SLC1A2: variants seen among roughly 807,000 people sequenced by gnomAD.
SLC1A2 encodes solute carrier family 1 member 2.
A neutral mutation model predicts 48.8 loss-of-function variants in SLC1A2; 15 were observed. The ratio of observed to expected loss-of-function variants is 0.31; its 90% CI spans 0.21 to 0.47. The LOEUF is 0.47. SLC1A2 is among the 20% of genes least tolerant of loss of function. The pLI is 0.99. For synonymous variants in SLC1A2, 279 were observed against 272.6 expected (o/e 1.02, Z -0.23); for missense variants, 502 against 730.5 (o/e 0.69, Z 3.61).
intron 9 of SLC1A2, 107 bp from the exon 10 acceptor site, chr11:35,265,865 C>A (rs955173016): frequency 7.5e-6 from 5 of 668,152 alleles, no homozygotes; most frequent in Non-Finnish European, 1.3e-5. Context: ...CTGGCTCTAC[C>A]TTTTCCCTCT....
chr11:35,265,449 T>C, intron 10 of SLC1A2, 78 bp downstream of exon 10: 1 of 757,680 alleles, frequency 1.3e-6, no homozygotes. Context: ...TGCAGGGCTT[T>C]ACGGTTTTTT....
At chr11:35,342,492 T>C (rs546877997) in intron 1 of SLC1A2, among the ~76,000 whole-genome samples, 1 of 151,474 alleles carries the variant, frequency 6.6e-6, no homozygotes, top group African/African-American at 2.4e-5. Flanking sequence ...TTCTCTCAGA[T>C]GTAATGTACC....
intron 1 of SLC1A2, among the ~76,000 whole-genome samples, chr11:35,395,615 A>C (rs1463478815): frequency 6.6e-6 from 1 of 151,958 alleles, no homozygotes; most frequent in Admixed American, 6.5e-5. Flanking sequence ...CCTGAGCCAC[A>C]GTCTTAGACG....
At chr11:35,411,185 C>T (rs148985244) in intron 1 of SLC1A2, among the ~76,000 whole-genome samples, 140 of 152,320 alleles carry the variant, frequency 9.2e-4, no homozygotes, top group African/African-American at 3.1e-3. Context: ...AATTCCATTA[C>T]TCTCTAATCT....
chr11:35,344,785 T>C (rs1048308240), intron 1 of SLC1A2, among the ~76,000 whole-genome samples: 1 of 152,162 alleles, frequency 6.6e-6, no homozygotes, highest in South Asian at 2.1e-4. Flanking sequence ...CTTCAAGGAC[T>C]AGGAAACTAT....
Position 35,286,399 on chromosome 11 carries a change from C to G in SLC1A2, c.1286+358G>C, listed in dbSNP as rs144436301. The G allele has an allele frequency of 4.9e-3, 800 of 162,878 alleles. 9 individuals are homozygous for G. The highest frequency in any genetic ancestry group is 0.036 in the South Asian group (184 of 5,178). 10.1% of individuals were successfully genotyped at this position (162,878 alleles called of 1,614,324 possible). A position where few individuals can be genotyped will look rare whatever the true frequency, so the allele number is the denominator to read the frequency against. ...GCCAAATCATTACTGATGTTGGCCT[C>G]ACTTACAGCCATGCTGTAGCCATGG... On this transcript the variant is annotated intron_variant, in intron 8 of 10. Transcript: ENST00000278379.
chr11:35,354,141 G>T lies in SLC1A2; in HGVS notation c.18-36625C>A, dbSNP rs12416720. ...TCCTATTAGTGGCATACTGGGACAA[G>T]AGGCCTTCTGATATAAAAAGAAAGT... On this transcript the variant is annotated intron_variant, in intron 1 of 10. Transcript: ENST00000278379. Among the ~76,000 whole-genome samples the T allele has an allele frequency of 6.6e-3, 1,003 of 152,214 alleles. 33 individuals carry two copies. Among genetic ancestry groups the T allele is most frequent in the Admixed American group, 0.032 (490 of 15,298 alleles).
At chr11:35,280,160 T>A (rs556500066) in intron 9 of SLC1A2, among the ~76,000 whole-genome samples, 9 of 150,854 alleles carry the variant, frequency 6.0e-5, no homozygotes, top group Non-Finnish European at 1.2e-4. Context: ...CTAATCTCTT[T>A]CTTTTTTCTT....
chr11:35,370,892 A>C (rs905461453), intron 1 of SLC1A2: 2 of 936,882 alleles, frequency 2.1e-6, no homozygotes, highest in Non-Finnish European at 2.5e-6. Flanking sequence ...AGGAAAAGAA[A>C]AGATGGCTAA....
At chr11:35,391,027 A>G (rs766634630) in intron 1 of SLC1A2, 1 of 152,212 alleles carries the variant, frequency 6.6e-6, no homozygotes. Context: ...TGTGGCTACA[A>G]GAAAATCTAG....
rs768033335 is a variant in SLC1A2 at position 35,322,431 on chromosome 11, G to C, written c.18-4915C>G. ...TGCTGCACACTTCAGTGTCACCTTA[G>C]CTGGCACCAAACTCTTTTTTCCACC... On this transcript the variant is annotated intron_variant, in intron 1 of 10. Coordinates refer to ENST00000278379, the MANE Select transcript of SLC1A2 (RefSeq NM_004171.4). The C allele has an allele frequency of 2.7e-5, 17 of 623,254 alleles. No individual in the cohort carries two copies. The African/African-American group carries it at 2.7e-4, about 10-fold the overall frequency. 38.6% of individuals were successfully genotyped at this position (623,254 alleles called of 1,614,324 possible). A position where few individuals can be genotyped will look rare whatever the true frequency, so the allele number is the denominator to read the frequency against.
At chr11:35,363,854 G>C (rs961838622) in intron 1 of SLC1A2, among the ~76,000 whole-genome samples, 1 of 152,102 alleles carries the variant, frequency 6.6e-6, no homozygotes, top group African/African-American at 2.4e-5. Flanking sequence ...TCACTGATTG[G>C]TTCTCATTCA....
chr11:35,399,679 C>G (rs113408306), intron 1 of SLC1A2: 50,141 of 841,332 alleles, frequency 0.06, 1,652 homozygotes, highest in Non-Finnish European at 0.064. Context: ...CAGCTCTTTC[C>G]ATCTGCAGGG....
At chr11:35,273,997 G>T (rs1850365025) in intron 9 of SLC1A2, among the ~76,000 whole-genome samples, 1 of 152,182 alleles carries the variant, frequency 6.6e-6, no homozygotes, top group African/African-American at 2.4e-5. Context: ...CAGAGAGCTG[G>T]GGAAATATTC....
At chr11:35,413,338 G>A (rs974928400) in intron 1 of SLC1A2, among the ~76,000 whole-genome samples, 1 of 152,160 alleles carries the variant, frequency 6.6e-6, no homozygotes, top group South Asian at 2.1e-4. Context: ...GCCACTCACT[G>A]GCTGTAAAAT....
intron 2 of SLC1A2, chr11:35,316,289 A>T (rs1851873094): frequency 6.6e-6 from 1 of 152,258 alleles, no homozygotes; most frequent in Non-Finnish European, 1.5e-5. Context: ...ACCACTGGCC[A>T]TAAGGGAGGG....
chr11:35,291,685 G>A (rs1851013660), intron 7 of SLC1A2: 1 of 153,362 alleles, frequency 6.5e-6, no homozygotes, highest in South Asian at 2.0e-4. Flanking sequence ...GTCCTCTTTG[G>A]CTTTCTAGGT....
chr11:35,252,623 A>G lies in SLC1A2; in HGVS notation c.*8271T>C, dbSNP rs369067581. 2.6e-5 allele frequency: 4 copies of G among 152,210 alleles called. No individual in the cohort carries two copies. The highest frequency in any genetic ancestry group is 4.1e-4 in the South Asian group (2 of 4,830). 9.4% of individuals were successfully genotyped at this position (152,210 alleles called of 1,614,324 possible). ...GGATTCACAGATAAATTCTTCACTCATATATATTCCCAAGCCACACTGAGA... is the reference window on the plus strand; with the variant it reads ...GGATTCACAGATAAATTCTTCACTCGTATATATTCCCAAGCCACACTGAGA... On this transcript the variant is annotated 3_prime_UTR_variant, in exon 11 of 11. Coordinates refer to ENST00000278379, the MANE Select transcript of SLC1A2 (RefSeq NM_004171.4).
chr11:35,372,800 T>A (rs1854100756), intron 1 of SLC1A2, among the ~76,000 whole-genome samples: 1 of 152,218 alleles, frequency 6.6e-6, no homozygotes, highest in Non-Finnish European at 1.5e-5. Context: ...ACTCTTAGAA[T>A]TATAATCAAT....
Sources: gnomAD v4.1 joint callset for allele counts (sites outside exome capture counted in the v4.1 genomes callset) on GRCh38, gnomAD v4.1.1 for gene constraint, MANE v1.5 for transcripts, NCBI Gene and HGNC (gene_info 2026-07-23, HGNC 2026-07-21) for gene names.